The following BRD4 variants were observed in gnomAD, a reference collection of about 807,000 sequenced individuals.
BRD4 encodes bromodomain containing 4.
A neutral mutation model predicts 142.1 loss-of-function variants in BRD4; 16 were observed. The observed-to-expected ratio is 0.11, with a 90% CI of 0.08 to 0.17. BRD4 has a LOEUF of 0.17. Ranked by LOEUF, BRD4 falls within the 10% of genes least tolerant of loss-of-function variation. The pLI, the probability that BRD4 is intolerant of heterozygous loss-of-function variation, is 1.00. For synonymous variants in BRD4, 833 were observed against 707.5 expected (o/e 1.18, Z -2.82); for missense variants, 1,424 against 1,810.9 (o/e 0.79, Z 3.88).
rs2145498648 is a variant in BRD4 at position 15,238,935 on chromosome 19, A to G, written c.3828T>C (p.His1276=). The part of the protein sequence containing the change: ...EDALEQARRA[H]EEARRRQEQQ... The stretch of plus-strand genomic sequence containing the variant: ...GCTCCTGGCGCCGACGTGCCTCCTC[A>G]TGGGCCCGCCGGGCCTGCTCCAGCG... The change falls in exon 19 of 20, where the codon CAT becomes CAC. Residue 1276 remains histidine (H), a synonymous_variant. Coordinates refer to ENST00000679869, the MANE Select transcript of BRD4 (RefSeq NM_001379291.1). The surrounding 1 kb of genome is among the most constrained non-coding windows in gnomAD (Gnocchi z 7.2). The G allele has an allele frequency of 6.3e-7, 1 of 1,598,696 alleles. No homozygotes were observed. Among genetic ancestry groups the G allele is most frequent in the Non-Finnish European group, 8.5e-7 (1 of 1,175,040 alleles).
intron 11 of BRD4, chr19:15,253,945 G>C (rs893150888): frequency 1.1e-5 from 8 of 728,044 alleles, no homozygotes; most frequent in African/African-American, 3.5e-5. Context: ...ATAACGGCCA[G>C]GCCGAGAGAA....
In BRD4 at chr19:15,255,279, C is replaced by T; in HGVS notation, c.2047+18G>A. ...GTGCCCACAGAAGGAACCCCATGCC[C>T]AGGGGGCCCAAGCACACCTTGAGGT... On this transcript the variant is annotated intron_variant, in intron 10 of 19. Coordinates refer to ENST00000679869, the MANE Select transcript of BRD4 (RefSeq NM_001379291.1). 3.1e-6 allele frequency: 5 copies of T among 1,601,210 alleles called. No individual in the cohort carries two copies. The highest frequency in any genetic ancestry group is 4.3e-6 in the Non-Finnish European group (5 of 1,170,408).
intron 1 of BRD4, among the ~76,000 whole-genome samples, chr19:15,312,410 G>C (rs1025621154): frequency 3.9e-5 from 6 of 152,110 alleles, no homozygotes; most frequent in African/African-American, 1.2e-4. Context: ...GAGGCGGGCA[G>C]ATCACCTGAG....
At chr19:15,278,543 CAAAAAAAAAAA>C (rs1235423521) in intron 1 of BRD4, among the ~76,000 whole-genome samples, 2 of 74,884 alleles carry the variant, frequency 2.7e-5, no homozygotes, top group African/African-American at 5.5e-5. Flanking sequence ...CAACCCCCGC[CAAAAAAAAAAA>C]AAAAAAAAAA....
intron 11 of BRD4, chr19:15,245,057 G>A (rs535105428): frequency 9.8e-6 from 5 of 511,788 alleles, no homozygotes; most frequent in East Asian, 7.2e-5. Flanking sequence ...CTTGCCCAAC[G>A]CCTCCCACTA....
At position 15,273,004 on chromosome 19, in the gene BRD4, C is replaced by T. The variant is rs998866268; in HGVS notation, c.96G>A (p.Gln32=). ...CTGCGTTGGCTGGCTGGGGTTGGGC[C>T]TGGGCCTGTGTTGTAGACATTTGGG... ...ETSQMSTTQA[Q]AQPQPANAAS... The change falls in exon 2 of 20, where the codon CAG becomes CAA. Residue 32 remains glutamine, a synonymous_variant. Coordinates refer to ENST00000679869, the MANE Select transcript of BRD4 (RefSeq NM_001379291.1). The T allele has an allele frequency of 1.2e-6, 2 of 1,614,002 alleles. No individual in the cohort carries two copies. The highest frequency in any genetic ancestry group is 1.7e-6 in the Non-Finnish European group (2 of 1,180,016).
chr19:15,293,136 T>C (rs1415902836), intron 1 of BRD4, among the ~76,000 whole-genome samples: 2 of 151,840 alleles, frequency 1.3e-5, no homozygotes, highest in Non-Finnish European at 2.9e-5. Context: ...AATAAATAAA[T>C]AAGCTCATCT....
At chr19:15,294,118 G>A (rs1176321219) in intron 1 of BRD4, among the ~76,000 whole-genome samples, 1 of 152,220 alleles carries the variant, frequency 6.6e-6, no homozygotes, top group African/African-American at 2.4e-5. Context: ...AAGAAATGGA[G>A]CACCATGCTA....
chr19:15,317,570 A>G (rs1467577248), intron 1 of BRD4, among the ~76,000 whole-genome samples: 1 of 152,130 alleles, frequency 6.6e-6, no homozygotes, highest in East Asian at 1.9e-4. Flanking sequence ...GTCAACAAAG[A>G]TAAGGACTGC....
rs2145498977 is a variant in BRD4 at position 15,238,979 on chromosome 19, T to C, written c.3784A>G (p.Ser1262Gly). The change falls in exon 19 of 20, where the codon AGC becomes GGC. Residue 1262 changes from serine (S) to glycine (G), a missense_variant and splice_region_variant. Physicochemically the swap from Ser to Gly is moderately conservative, Grantham distance 56 (BLOSUM62 0). This residue lies in a region of BRD4 where 109 missense variants were observed against 117.9 expected (regional missense o/e 0.92). Coordinates refer to ENST00000679869, the MANE Select transcript of BRD4 (RefSeq NM_001379291.1). This position sits in a 1 kb window ranked among gnomAD's most constrained non-coding sequence, Gnocchi z 7.2. ...TCCAGCGCATCCTCGTCCTCTCGGC[T>C]CCTGGGCAGAGGGTCCCAGTCAGCC... ...KERLRQERMR[S>G]REDEDALEQA... The C allele has an allele frequency of 1.3e-6, 2 of 1,584,444 alleles. No homozygotes were observed. Among genetic ancestry groups the C allele is most frequent in the Non-Finnish European group, 1.7e-6 (2 of 1,166,956 alleles).
intron 1 of BRD4, among the ~76,000 whole-genome samples, chr19:15,295,902 T>A (rs917181668): frequency 2.0e-5 from 3 of 151,764 alleles, no homozygotes; most frequent in African/African-American, 7.3e-5. Flanking sequence ...ACCCGGCAAG[T>A]GGAGGTTGCA....
Position 15,272,836 on chromosome 19 carries a change from A to C in BRD4, c.264T>G (p.Asp88Glu). The C allele has an allele frequency of 6.2e-7, 1 of 1,614,046 alleles. No individual in the cohort carries two copies. The highest frequency in any genetic ancestry group is 8.5e-7 in the Non-Finnish European group (1 of 1,179,964). The part of the protein sequence containing the change: ...QFAWPFQQPV[D>E]AVKLNLPDYY... ...TCACAGGGAGGTTCAGCTTGACGGCATCCACAGGCTGCTGGAAAGGCCATG... is the reference window on the plus strand; with the variant it reads ...TCACAGGGAGGTTCAGCTTGACGGCCTCCACAGGCTGCTGGAAAGGCCATG... Residue 88 changes from aspartate (D) to glutamate (E), a missense_variant, in exon 2 of 20, where the codon GAT becomes GAG. Physicochemically the swap from Asp to Glu is conservative, Grantham distance 45. This residue lies in a region of BRD4 where 55 missense variants were observed against 160.7 expected (regional missense o/e 0.34). Coordinates refer to ENST00000679869, the MANE Select transcript of BRD4 (RefSeq NM_001379291.1).
At chr19:15,264,224 C>T (rs2047505598) in intron 6 of BRD4, 180 bp downstream of exon 6, 8 of 771,648 alleles carry the variant, frequency 1.0e-5, no homozygotes, top group Non-Finnish European at 1.6e-5. Context: ...CACCAGGTCT[C>T]AGAGCACGTC....
chr19:15,239,023 C>T lies in BRD4; in HGVS notation c.3782+36G>A. On this transcript the variant is annotated intron_variant, in intron 18 of 19. Coordinates refer to ENST00000679869, the MANE Select transcript of BRD4 (RefSeq NM_001379291.1). The surrounding 1 kb of genome is among the most constrained non-coding windows in gnomAD (Gnocchi z 7.4). The stretch of plus-strand genomic sequence containing the variant: ...GTCAGCCTGGGGACTGGTGTGGCCC[C>T]AAGAGTCCCCATGCCCCACCCAGAC... The T allele has an allele frequency of 1.9e-6, 3 of 1,578,682 alleles. No individual in the cohort carries two copies. Among genetic ancestry groups the T allele is most frequent in the Non-Finnish European group, 2.6e-6 (3 of 1,165,834 alleles).
At chr19:15,251,789 GC>G (rs1245045713) in intron 11 of BRD4, among the ~76,000 whole-genome samples, 4 of 152,214 alleles carry the variant, frequency 2.6e-5, no homozygotes, top group African/African-American at 9.6e-5. Flanking sequence ...CCACGACAGA[GC>G]TCACTCAGTG....
Position 15,257,030 on chromosome 19 carries a change from G to A in BRD4, c.1485C>T (p.Asp495=). The change falls in exon 8 of 20, where the codon GAC becomes GAT. Residue 495 remains aspartate, a synonymous_variant. Coordinates refer to ENST00000679869, the MANE Select transcript of BRD4 (RefSeq NM_001379291.1). Reference sequence around the variant, plus strand: ...CAGAGTCATCAGTCGAACTGTCACTGTCCGAGGAGCTATCGCTGCTGCTGT... The same window carrying A: ...CAGAGTCATCAGTCGAACTGTCACTATCCGAGGAGCTATCGCTGCTGCTGT... ...SSDSSSDSSS[D]SDSSTDDSEE... is the part of the protein sequence containing the mutation. 3.1e-6 allele frequency: 5 copies of A among 1,596,008 alleles called. No individual in the cohort carries two copies. The highest frequency in any genetic ancestry group is 3.4e-6 in the Non-Finnish European group (4 of 1,173,066).
At position 15,301,334 on chromosome 19, in the gene BRD4, G is replaced by A. The variant is rs533910626; in HGVS notation, c.-34-28201C>T. Among the ~76,000 whole-genome samples, 94 of 152,194 alleles carry A rather than the reference G, an allele frequency of 6.2e-4. 1 individual carries two copies. Among genetic ancestry groups the A allele is most frequent in the Non-Finnish European group, 1.1e-3 (77 of 68,008 alleles). On this transcript the variant is annotated intron_variant, in intron 1 of 19. Transcript: ENST00000679869. ...TCCCAGCACTTTGGGAGGCCAAGGCGGGCAAATCACGACGTCAGGAGTTCA... is the reference window on the plus strand; with the variant it reads ...TCCCAGCACTTTGGGAGGCCAAGGCAGGCAAATCACGACGTCAGGAGTTCA...
chr19:15,266,222 T>A (rs967432026), intron 4 of BRD4, among the ~76,000 whole-genome samples: 1 of 151,936 alleles, frequency 6.6e-6, no homozygotes, highest in Non-Finnish European at 1.5e-5. Context: ...CTGCAAAAAG[T>A]GAGGGGTTAT....
chr19:15,247,697 G>C (rs1192833902), intron 11 of BRD4: 1 of 233,006 alleles, frequency 4.3e-6, no homozygotes, highest in Admixed American at 5.6e-5. Context: ...GGGAATCTGG[G>C]CATGAAGGCT....
Sources: gnomAD v4.1 joint callset for allele counts (sites outside exome capture counted in the v4.1 genomes callset) on GRCh38, gnomAD v4.1.1 for gene constraint, gnomAD v4.1.1 regional missense constraint, Gnocchi (gnomAD v3.1) non-coding constraint, MANE v1.5 for transcripts, NCBI Gene and HGNC (gene_info 2026-07-23, HGNC 2026-07-21) for gene names.